Variants in SRRT observed in about 807,000 individuals in gnomAD.
SRRT encodes the protein serrate, RNA effector molecule.
Under a neutral mutation model 103.2 loss-of-function variants are expected in SRRT, and 32 were observed. The ratio of observed to expected loss-of-function variants is 0.31; its 90% confidence interval spans 0.23 to 0.42. The LOEUF (loss-of-function observed/expected upper bound fraction) is 0.42, where lower values mean the gene tolerates loss of function less well. SRRT is among the 10% of genes least tolerant of loss of function. The pLI, the probability that SRRT is intolerant of heterozygous loss-of-function variation, is 1.00. For synonymous variants in SRRT, 525 were observed against 449.0 expected (o/e 1.17, Z -2.14); for missense variants, 986 against 1,207.5 (o/e 0.82, Z 2.72).
rs956980946 is a variant in SRRT, at chr7:100,884,124, G to A, written c.642G>A (p.Arg214=). The A allele has an allele frequency of 1.2e-6, 2 of 1,612,610 alleles. No homozygotes were observed. The highest frequency in any genetic ancestry group is 1.3e-5 in the African/African-American group (1 of 74,788). The part of the protein sequence containing the change: ...DEVGKRRQEA[R]GALQNRLRVF... ...TGGGGAAGCGTCGGCAGGAGGCCCG[G>A]GGGGCCCTGCAAAACCGACTGAGGG... The change falls in exon 6 of 20, where the codon CGG becomes CGA. Residue 214 remains arginine, a synonymous_variant. Coordinates refer to ENST00000611405, the MANE Select transcript of SRRT (RefSeq NM_015908.6).
In SRRT at chr7:100,878,140, G is replaced by A. The variant is rs112113300; in HGVS notation, c.122+2428G>A. 8.9e-4 allele frequency among the ~76,000 whole-genome samples: 136 copies of A among 152,118 alleles called. 1 individual carries two copies. Among genetic ancestry groups the A allele is most frequent in the African/African-American group, 3.1e-3 (130 of 41,522 alleles). On this transcript the variant is annotated intron_variant, in intron 2 of 19. Coordinates refer to ENST00000611405, the MANE Select transcript of SRRT (RefSeq NM_015908.6). ...CAACCTGGGCAACGTGGTGAAACCT[G>A]TCTGTACAAAAAAATACAAAAATTA...
At chr7:100,888,218 G>T in intron 18 of SRRT, 39 bp from the exon 19 acceptor site, 1 of 1,601,454 alleles carries the variant, frequency 6.2e-7, no homozygotes, top group South Asian at 1.1e-5. Context: ...ATGGAATTGA[G>T]GACATAGTTT....
Position 100,884,143 on chromosome 7 carries a change from C to T in SRRT, c.661C>T (p.Leu221=). 4 of 1,613,922 alleles carry T rather than the reference C, an allele frequency of 2.5e-6. No individual in the cohort carries two copies. The highest frequency in any genetic ancestry group is 1.3e-5 in the African/African-American group (1 of 75,030). ...GGCCCGGGGGGCCCTGCAAAACCGA[C>T]TGAGGGTCTTCCTGTCCCTCATGGA... The part of the protein sequence containing the change: ...QEARGALQNR[L]RVFLSLMETG... The change falls in exon 6 of 20, where the codon CTG becomes TTG. Residue 221 remains leucine, a synonymous_variant. Transcript: ENST00000611405.
intron 5 of SRRT, 88 bp from the exon 6 acceptor site, chr7:100,883,982 A>G: frequency 1.4e-6 from 2 of 1,406,556 alleles, no homozygotes; most frequent in Non-Finnish European, 1.9e-6. Flanking sequence ...GAAGGGGGAT[A>G]TGCCCTGTCT....
intron 2 of SRRT, among the ~76,000 whole-genome samples, chr7:100,880,207 CGA>C (rs1480832176): frequency 6.6e-6 from 1 of 152,084 alleles, no homozygotes; most frequent in Non-Finnish European, 1.5e-5. Context: ...TGACAGCTGG[CGA>C]GAGATGCTGT....
rs149979693 is a variant in SRRT, at chr7:100,886,342, C to G, written c.1554C>G (p.Arg518=). The G allele has an allele frequency of 6.1e-4, 987 of 1,613,830 alleles. 9 individuals carry two copies. The African/African-American group carries it at 0.012, about 19-fold the overall frequency. The change falls in exon 13 of 20, where the codon CGC becomes CGG. Residue 518 remains arginine, a synonymous_variant. Coordinates refer to ENST00000611405, the MANE Select transcript of SRRT (RefSeq NM_015908.6). ...NGITQHKQIV[R]NDIKLAAKLI... The stretch of plus-strand genomic sequence containing the variant: ...TCACCCAGCACAAGCAGATTGTGCG[C>G]AACGACATCAAGCTGGCGGCCAAGC...
At chr7:100,880,631 A>G in intron 2 of SRRT, 1 of 366,770 alleles carries the variant, frequency 2.7e-6, no homozygotes, top group Non-Finnish European at 5.6e-6. Flanking sequence ...GACAGGCTGA[A>G]TTTGAGGGGG....
chr7:100,884,338 G>T, intron 6 of SRRT, 30 bp from the exon 7 acceptor site: 1 of 1,612,818 alleles, frequency 6.2e-7, no homozygotes, highest in Non-Finnish European at 8.5e-7. Context: ...AGGGCCCTGG[G>T]GTCATGACCT....
intron 2 of SRRT, among the ~76,000 whole-genome samples, chr7:100,877,203 A>G (rs1815814658): frequency 6.6e-6 from 1 of 151,518 alleles, no homozygotes. Flanking sequence ...CGGGCAGATC[A>G]CGAGATCGAG....
chr7:100,887,275 T>C lies in SRRT; in HGVS notation c.1976-45T>C, dbSNP rs1235029261. ...CCAGCCCCTTGCCACCATCCTTCCT[T>C]CTGGCTCCCTTGCCAACCTTCCTTC... On this transcript the variant is annotated intron_variant, in intron 15 of 19. Coordinates refer to ENST00000611405, the MANE Select transcript of SRRT (RefSeq NM_015908.6). This position sits in a 1 kb window ranked among gnomAD's most constrained non-coding sequence, Gnocchi z 4.1. The C allele has an allele frequency of 6.2e-7, 1 of 1,610,284 alleles. No individual in the cohort carries two copies. The highest frequency in any genetic ancestry group is 8.5e-7 in the Non-Finnish European group (1 of 1,177,164).
In SRRT at chr7:100,885,066, T is replaced by C. The variant is rs372980801; in HGVS notation, c.1159+26T>C. 4 of 1,613,144 alleles carry C rather than the reference T, an allele frequency of 2.5e-6. No individual in the cohort carries two copies. Among genetic ancestry groups the C allele is most frequent in the Non-Finnish European group, 3.4e-6 (4 of 1,179,822 alleles). On this transcript the variant is annotated intron_variant, in intron 9 of 19. Transcript: ENST00000611405. The surrounding 1 kb of genome is among the most constrained non-coding windows in gnomAD (Gnocchi z 4.8). ...GTAGGGTTTCTTTTCTGCTTTAAAG[T>C]GCGTTCTCCTAATGCGGGTGGGGAG...
rs368680068 is a variant in SRRT at position 100,881,422 on chromosome 7, G to T, written c.251+9G>T. 4.4e-6 allele frequency: 7 copies of T among 1,608,288 alleles called. No homozygotes were observed. Among genetic ancestry groups the T allele is most frequent in the African/African-American group, 4.0e-5 (3 of 74,814 alleles). ...CGCATGAGGAGAGACTGGTGAGATG[G>T]AGCGGTTTCCCTCTCCTCCCCTTTG... On this transcript the variant is annotated intron_variant, in intron 3 of 19. Coordinates refer to ENST00000611405, the MANE Select transcript of SRRT (RefSeq NM_015908.6).
In SRRT at chr7:100,881,817, G is replaced by T; in HGVS notation, c.398+12G>T. 1 of 1,591,188 alleles carries T rather than the reference G, an allele frequency of 6.3e-7. No individual in the cohort carries two copies. The highest frequency in any genetic ancestry group is 8.5e-7 in the Non-Finnish European group (1 of 1,171,634). ...CCTATCCAGGCCAGGTAAGGGTGGG[G>T]CTTCTCAGAAGAGGGTTGGTAGGCC... is the stretch of plus-strand genomic sequence containing the variant. On this transcript the variant is annotated intron_variant, in intron 4 of 19. Transcript: ENST00000611405.
rs758421856 is a variant in SRRT, at chr7:100,875,613, ACGAT to A, written c.27_30del (p.Asp9GlufsTer71). ...GCCATGGGTGACAGTGATGACGAGTACGATCGAAGGCGCAGGGACAAGTTCAGAA... is the reference window on the plus strand; with the variant it reads ...GCCATGGGTGACAGTGATGACGAGTACGAAGGCGCAGGGACAAGTTCAGAA... On this transcript the variant is annotated frameshift_variant, in exon 2 of 20. Transcript: ENST00000611405. LOFTEE classifies it high-confidence loss of function. 1 of 1,614,022 alleles carries A rather than the reference ACGAT, an allele frequency of 6.2e-7. No homozygotes were observed. Among genetic ancestry groups the A allele is most frequent in the Non-Finnish European group, 8.5e-7 (1 of 1,179,904 alleles).
chr7:100,886,127 T>C, intron 12 of SRRT, 120 bp from the exon 13 acceptor site: 1 of 1,306,088 alleles, frequency 7.7e-7, no homozygotes, highest in Non-Finnish European at 1.1e-6. Context: ...GTGGTCCCCG[T>C]CCCCAGGGAG....
Position 100,882,005 on chromosome 7 carries a change from C to T in SRRT, c.399-48C>T. On this transcript the variant is annotated intron_variant, in intron 4 of 19. Coordinates refer to ENST00000611405, the MANE Select transcript of SRRT (RefSeq NM_015908.6). The surrounding 1 kb of genome is among the most constrained non-coding windows in gnomAD (Gnocchi z 4.2). ...CCAGCTACTTTGGCCCCTGTAGCCT[C>T]CCACCGTTCCCCAAAAACCAAGCCT... 2 of 1,578,636 alleles carry T rather than the reference C, an allele frequency of 1.3e-6. No homozygotes were observed. The highest frequency in any genetic ancestry group is 8.6e-7 in the Non-Finnish European group (1 of 1,164,692).
At chr7:100,883,789 C>T (rs1221386189) in intron 5 of SRRT, among the ~76,000 whole-genome samples, 1 of 152,158 alleles carries the variant, frequency 6.6e-6, no homozygotes. Context: ...GGTAAATCTG[C>T]CTCTCCTACC....
rs1478094233 is a variant in SRRT at position 100,882,542 on chromosome 7, G to A, written c.587+301G>A. On this transcript the variant is annotated intron_variant, in intron 5 of 19. Transcript: ENST00000611405. This position sits in a 1 kb window ranked among gnomAD's most constrained non-coding sequence, Gnocchi z 4.2. ...GACTGCTTCCCACTTGTTGGTGTTG[G>A]GTCATTGTCATCCCTGATCACCAGG... 3.3e-6 allele frequency: 1 copy of A among 299,188 alleles called. No homozygotes were observed. Among genetic ancestry groups the A allele is most frequent in the Non-Finnish European group, 6.2e-6 (1 of 160,156 alleles). The allele number at this position is 299,188 out of a possible 1,614,324, so 18.5% of individuals were successfully genotyped here.
rs374303554 is a variant in SRRT at position 100,875,577 on chromosome 7, C to T, written c.-14C>T. The stretch of plus-strand genomic sequence containing the variant: ...CCGCCTCTCCCCGGTCCCCAGGCCC[C>T]CTCAGACCGTGCCATGGGTGACAGT... On this transcript the variant is annotated 5_prime_UTR_variant, in exon 2 of 20. Transcript: ENST00000611405. 21 of 1,613,702 alleles carry T rather than the reference C, an allele frequency of 1.3e-5. No individual in the cohort carries two copies. Among genetic ancestry groups the T allele is most frequent in the Non-Finnish European group, 1.8e-5 (21 of 1,179,808 alleles).
Sources: gnomAD v4.1 joint callset for allele counts (sites outside exome capture counted in the v4.1 genomes callset) on GRCh38, gnomAD v4.1.1 for gene constraint, Gnocchi (gnomAD v3.1) non-coding constraint, MANE v1.5 for transcripts, NCBI Gene and HGNC (gene_info 2026-07-23, HGNC 2026-07-21) for gene names.